The following CLCA2 variants were observed in gnomAD, a reference collection of about 807,000 sequenced individuals.
The protein encoded by CLCA2 is chloride channel accessory 2.
CLCA2 carries 85 observed loss-of-function variants against 82.9 expected under a neutral mutation model. The ratio of observed to expected loss-of-function variants is 1.03; its 90% CI spans 0.86 to 1.23. CLCA2 has a LOEUF of 1.23. Among genes scored for constraint, CLCA2 ranks in the 50% most tolerant of loss-of-function variants. CLCA2 has a pLI of 0.00. For synonymous variants in CLCA2, 421 were observed against 391.7 expected, an observed-to-expected ratio of 1.07 and a Z score of -0.88; for missense variants, 1,089 against 1,124.8, an observed-to-expected ratio of 0.97 and a Z score of 0.45.
At position 86,453,537 on chromosome 1, in the gene CLCA2, T is replaced by TA; in HGVS notation, c.2328dup (p.Val777SerfsTer17). 1 of 1,614,154 alleles carries TA rather than the reference T, an allele frequency of 6.2e-7. No homozygotes were observed. Among genetic ancestry groups the TA allele is most frequent in the Non-Finnish European group, 8.5e-7 (1 of 1,180,018 alleles). On this transcript the variant is annotated frameshift_variant, in exon 13 of 14. Transcript: ENST00000370565. LOFTEE classifies it high-confidence loss of function. ...TGCAAAATTATTGACCTGGAAGCTGTAAAAGTAGAAGAGGAATTGACCCTA... is the reference window on the plus strand; with the variant it reads ...TGCAAAATTATTGACCTGGAAGCTGTAAAAAGTAGAAGAGGAATTGACCCTA...
chr1:86,447,758 G>T lies in CLCA2; in HGVS notation c.1964G>T (p.Arg655Ile). Residue 655 changes from arginine (R) to isoleucine (I), a missense_variant, in exon 11 of 14, where the codon AGA becomes ATA. Physicochemically the swap from Arg to Ile is moderately conservative, Grantham distance 97. Coordinates refer to ENST00000370565, the MANE Select transcript of CLCA2 (RefSeq NM_006536.7). ...GAGACTGGAGATCCTGTTACGCTGA[G>T]ACTCCTTGATGATGGAGCAGGTAAC... ...EPETGDPVTL[R>I]LLDDGAGADV... The T allele has an allele frequency of 6.2e-7, 1 of 1,613,100 alleles. No homozygotes were observed. The highest frequency in any genetic ancestry group is 8.5e-7 in the Non-Finnish European group (1 of 1,179,960).
chr1:86,455,858 G>A lies in CLCA2; in HGVS notation c.*331G>A, dbSNP rs1306887527. 1 of 160,828 alleles carries A rather than the reference G, an allele frequency of 6.2e-6. No individual in the cohort carries two copies. The highest frequency in any genetic ancestry group is 1.3e-5 in the Non-Finnish European group (1 of 74,136). The allele number at this position is 160,828 out of a possible 1,614,324, so 10.0% of individuals were successfully genotyped here. ...GCCCCAAGCAGAGAAAAGGAGGGTAGGTCTGCATTATAACTGTCTGTGTGA... is the reference window on the plus strand; with the variant it reads ...GCCCCAAGCAGAGAAAAGGAGGGTAAGTCTGCATTATAACTGTCTGTGTGA... On this transcript the variant is annotated 3_prime_UTR_variant, in exon 14 of 14. Transcript: ENST00000370565.
chr1:86,438,278 T>C (rs751073540), intron 6 of CLCA2, among the ~76,000 whole-genome samples: 8 of 152,208 alleles, frequency 5.3e-5, no homozygotes, highest in African/African-American at 7.2e-5. Flanking sequence ...CCAAAACTGG[T>C]CACTAATATT....
rs1409710758 is a variant in CLCA2, at chr1:86,434,696, G to A, written c.923G>A (p.Gly308Asp). 6.2e-7 allele frequency: 1 copy of A among 1,614,094 alleles called. No individual in the cohort carries two copies. Among genetic ancestry groups the A allele is most frequent in the Admixed American group, 1.7e-5 (1 of 60,012 alleles). ...CCCACATTCTCGCTTGTACAGGCTG[G>A]TGACAAAGTGGTCTGTTTAGTGCTG... is the stretch of plus-strand genomic sequence containing the variant. ...PPPTFSLVQA[G>D]DKVVCLVLDV... The change falls in exon 6 of 14, where the codon GGT becomes GAT. Residue 308 changes from glycine (G) to aspartate (D), a missense_variant. Gly to Asp is a moderately conservative substitution (Grantham distance 94). Transcript: ENST00000370565.
chr1:86,452,407 T>C (rs916815282), intron 12 of CLCA2, among the ~76,000 whole-genome samples: 3 of 152,112 alleles, frequency 2.0e-5, no homozygotes, highest in Non-Finnish European at 2.9e-5. Flanking sequence ...TAATTCATTC[T>C]ACACCAAGCA....
intron 3 of CLCA2, among the ~76,000 whole-genome samples, chr1:86,430,292 A>T (rs2101691825): frequency 6.6e-6 from 1 of 152,260 alleles, no homozygotes; most frequent in African/African-American, 2.4e-5. Flanking sequence ...AGAATAAGGG[A>T]TAAAATAAAA....
intron 10 of CLCA2, among the ~76,000 whole-genome samples, chr1:86,446,052 T>G (rs1348221821): frequency 6.6e-6 from 1 of 152,090 alleles, no homozygotes; most frequent in Non-Finnish European, 1.5e-5. Flanking sequence ...GGACTCCCCC[T>G]GCTCCCAACT....
chr1:86,441,383 T>G, intron 8 of CLCA2, 54 bp from the exon 9 acceptor site: 1 of 1,061,424 alleles, frequency 9.4e-7, no homozygotes, highest in Non-Finnish European at 1.4e-6. Flanking sequence ...TAACATTTTA[T>G]TTTTGTTTTA....
In CLCA2 at chr1:86,434,681, C is replaced by T. The variant is rs764764684; in HGVS notation, c.908C>T (p.Ser303Leu). The T allele has an allele frequency of 4.7e-5, 76 of 1,614,008 alleles. No individual in the cohort carries two copies. The Middle Eastern group carries it at 8.2e-4, about 17-fold the overall frequency. Residue 303 changes from serine (S) to leucine (L), a missense_variant, in exon 6 of 14, where the codon TCG (serine) becomes TTG (leucine). Physicochemically the swap from Ser to Leu is moderately radical, Grantham distance 145 (BLOSUM62 -2). Coordinates refer to ENST00000370565, the MANE Select transcript of CLCA2 (RefSeq NM_006536.7). ...GAGCTTCCACCTCCTCCCACATTCTCGCTTGTACAGGCTGGTGACAAAGTG... is the reference window on the plus strand; with the variant it reads ...GAGCTTCCACCTCCTCCCACATTCTTGCTTGTACAGGCTGGTGACAAAGTG... Reference protein sequence around the residue: ...GTELPPPPTFSLVQAGDKVVC... With the variant: ...GTELPPPPTFLLVQAGDKVVC...
rs772376442 is a variant in CLCA2, at chr1:86,438,922, T to G, written c.1019T>G (p.Met340Arg). The change falls in exon 7 of 14, where the codon ATG becomes AGG. Residue 340 changes from methionine to arginine, a missense_variant. Transcript: ENST00000370565. ...CAACAAGCCGCAGAATTTTATTTGA[T>G]GCAGATTGTTGAAATTCATACCTTC... The part of the protein sequence containing the change: ...QLQQAAEFYL[M>R]QIVEIHTFVG... 7.4e-6 allele frequency: 12 copies of G among 1,614,158 alleles called. No homozygotes were observed. The highest frequency in any genetic ancestry group is 6.6e-5 in the South Asian group (6 of 91,088).
At chr1:86,451,169 T>G (rs546040755) in intron 12 of CLCA2, among the ~76,000 whole-genome samples, 1 of 152,206 alleles carries the variant, frequency 6.6e-6, no homozygotes, top group Non-Finnish European at 1.5e-5. Context: ...AAATATGAGC[T>G]TGGGTGTTAC....
intron 9 of CLCA2, among the ~76,000 whole-genome samples, chr1:86,443,234 G>A (rs1042930230): frequency 6.6e-6 from 1 of 152,108 alleles, no homozygotes; most frequent in African/African-American, 2.4e-5. Flanking sequence ...TCACCATGTT[G>A]GCCAGACTAG....
At chr1:86,427,591 T>A (rs1662414294) in intron 2 of CLCA2, among the ~76,000 whole-genome samples, 1 of 151,050 alleles carries the variant, frequency 6.6e-6, no homozygotes, top group African/African-American at 2.4e-5. Context: ...ATATACATAT[T>A]GTACATAGAG....
intron 11 of CLCA2, among the ~76,000 whole-genome samples, chr1:86,449,754 C>T (rs1662924786): frequency 6.6e-6 from 1 of 152,066 alleles, no homozygotes. Flanking sequence ...AGCTGCTTGC[C>T]CACTATGGCC....
At chr1:86,446,970 C>G (rs373261385) in intron 10 of CLCA2, among the ~76,000 whole-genome samples, 3 of 151,980 alleles carry the variant, frequency 2.0e-5, no homozygotes, top group African/African-American at 7.2e-5. Flanking sequence ...TTTCTTGGTC[C>G]CTAGTAGTGT....
At chr1:86,426,548 G>T (rs918943830) in intron 2 of CLCA2, among the ~76,000 whole-genome samples, 2 of 152,140 alleles carry the variant, frequency 1.3e-5, no homozygotes, top group African/African-American at 2.4e-5. Flanking sequence ...TAGGATAGGT[G>T]GGGGAACTGG....
Position 86,432,375 on chromosome 1 carries a change from A to G in CLCA2, c.591A>G (p.Ser197=), listed in dbSNP as rs141878978. The change falls in exon 5 of 14, where the codon TCA becomes TCG. Residue 197 remains serine, a synonymous_variant. Coordinates refer to ENST00000370565, the MANE Select transcript of CLCA2 (RefSeq NM_006536.7). ...GQNQIKVTRC[S]SDITGIFVCE... is the part of the protein sequence containing the mutation. ...TTTCTCTTTCCATTTTTAGGTGTTCATCTGACATCACAGGCATTTTTGTGT... is the reference window on the plus strand; with the variant it reads ...TTTCTCTTTCCATTTTTAGGTGTTCGTCTGACATCACAGGCATTTTTGTGT... 2.3e-5 allele frequency: 37 copies of G among 1,613,456 alleles called. No homozygotes were observed. The highest frequency in any genetic ancestry group is 8.4e-5 in the Admixed American group (5 of 59,790).
At chr1:86,429,876 G>C (rs376536172) in intron 3 of CLCA2, among the ~76,000 whole-genome samples, 4 of 152,124 alleles carry the variant, frequency 2.6e-5, no homozygotes, top group African/African-American at 9.7e-5. Flanking sequence ...TTAGAAAAAC[G>C]TAGTTTTTTT....
chr1:86,425,122 A>C (rs895835787), intron 1 of CLCA2, among the ~76,000 whole-genome samples: 1 of 152,222 alleles, frequency 6.6e-6, no homozygotes. Flanking sequence ...AGGCAAGCAC[A>C]GACATATAAT....
Sources: allele counts gnomAD v4.1 joint callset (sites outside exome capture counted in the v4.1 genomes callset), GRCh38; gene constraint gnomAD v4.1.1; transcripts MANE v1.5; gene names NCBI Gene and HGNC (gene_info 2026-07-23, HGNC 2026-07-21).